Variants in AMPH observed in about 807,000 individuals in gnomAD.
AMPH encodes amphiphysin (Stiff-Mann syndrome with breast cancer 128kD autoantigen).
In AMPH, 49 loss-of-function variants were observed where a neutral mutation model predicts 99.1. That is an observed-to-expected ratio of 0.49 (90% CI 0.39 to 0.63). AMPH has a LOEUF of 0.63. Ranked by LOEUF, AMPH falls within the 20% of genes least tolerant of loss-of-function variation. The pLI is 0.00. For missense variants in AMPH, 759 were observed against 863.4 expected, an observed-to-expected ratio of 0.88 and a Z score of 1.52; for synonymous variants, 314 against 317.3, an observed-to-expected ratio of 0.99 and a Z score of 0.11.
In AMPH at chr7:38,476,950, C is replaced by G; in HGVS notation, c.416G>C (p.Ser139Thr). 6.2e-7 allele frequency: 1 copy of G among 1,613,736 alleles called. No individual in the cohort carries two copies. Among genetic ancestry groups the G allele is most frequent in the Non-Finnish European group, 8.5e-7 (1 of 1,179,796 alleles). ...ACTGTCATAGTCCACTAGCTTCCTG[C>G]TGCGCTTGGCGATGCGATTCTGTCA... The part of the protein sequence containing the change: ...PDIKNRIAKR[S>T]RKLVDYDSAR... Residue 139 changes from serine to threonine, a missense_variant, in exon 6 of 21, where the codon AGC becomes ACC. Ser to Thr is a moderately conservative substitution (Grantham distance 58). Around this residue, in one of 2 missense-constraint regions of AMPH, gnomAD observed 205 missense variants for 287.9 expected, o/e 0.71. Transcript: ENST00000356264.
At chr7:38,578,399 T>C (rs986074396) in intron 1 of AMPH, among the ~76,000 whole-genome samples, 1 of 152,228 alleles carries the variant, frequency 6.6e-6, no homozygotes, top group Non-Finnish European at 1.5e-5. Context: ...CTTTGGCTTA[T>C]GCAAGTGATA....
intron 5 of AMPH, 123 bp downstream of exon 5, chr7:38,490,927 T>A: frequency 3.2e-6 from 2 of 628,474 alleles, no homozygotes; most frequent in Non-Finnish European, 5.6e-6. Flanking sequence ...CTTAAATAAA[T>A]GAAAAGTTAC....
In AMPH at chr7:38,610,331, G is replaced by A. The variant is rs1211065626; in HGVS notation, c.69+20952C>T. Among the ~76,000 whole-genome samples, 326 of 36,510 alleles carry A rather than the reference G, an allele frequency of 8.9e-3. 1 individual carries two copies. The highest frequency in any genetic ancestry group is 0.013 in the Admixed American group (38 of 2,916). 24.0% of individuals were successfully genotyped at this position (36,510 alleles called of 152,430 possible). ...GAAAAGAAAAGAAAAGAAAAGAAAA[G>A]AAAAAAGAAAAGAAAAGAAAAGAAA... On this transcript the variant is annotated intron_variant, in intron 1 of 20. Transcript: ENST00000356264.
intron 1 of AMPH, among the ~76,000 whole-genome samples, chr7:38,574,669 A>G (rs946610164): frequency 6.6e-6 from 1 of 152,220 alleles, no homozygotes; most frequent in Non-Finnish European, 1.5e-5. Flanking sequence ...CATTATGTTC[A>G]TGTGGTAGGA....
At chr7:38,458,204 TC>T (rs1787305733) in intron 11 of AMPH, among the ~76,000 whole-genome samples, 1 of 151,896 alleles carries the variant, frequency 6.6e-6, no homozygotes, top group Admixed American at 6.6e-5. Context: ...TCCACATGTA[TC>T]CCCTGAATCT....
chr7:38,580,369 T>C (rs1192781736), intron 1 of AMPH, among the ~76,000 whole-genome samples: 1 of 152,076 alleles, frequency 6.6e-6, no homozygotes, highest in East Asian at 1.9e-4. Flanking sequence ...AATCGCAAAA[T>C]AAAGGCCCTG....
intron 1 of AMPH, among the ~76,000 whole-genome samples, chr7:38,572,619 A>C (rs1410136702): frequency 6.6e-6 from 1 of 152,192 alleles, no homozygotes; most frequent in Admixed American, 6.5e-5. Flanking sequence ...TAATGAGCCC[A>C]AGGGCCAAGA....
chr7:38,391,647 A>G (rs1784497154), intron 19 of AMPH, 101 bp downstream of exon 19: 3 of 1,244,226 alleles, frequency 2.4e-6, no homozygotes, highest in African/African-American at 3.0e-5. Context: ...CACAGAAATA[A>G]TAATTGCAAA....
In AMPH at chr7:38,494,654, G is replaced by C. The variant is rs1169712992; in HGVS notation, c.206-127C>G. 5.4e-6 allele frequency: 4 copies of C among 746,142 alleles called. No individual in the cohort carries two copies. In the South Asian group the frequency reaches 6.3e-5, roughly 12 times the overall value. 46.2% of individuals were successfully genotyped at this position (746,142 alleles called of 1,614,324 possible). A position where few individuals can be genotyped will look rare whatever the true frequency, so the allele number is the denominator to read the frequency against. ...AAACATTTAAGGAAAAACTATAAAG[G>C]CACAACTGCTGCTTGTATCTGCTGT... On this transcript the variant is annotated intron_variant, in intron 3 of 20. Transcript: ENST00000356264.
At chr7:38,628,866 C>T (rs1188956206) in intron 1 of AMPH, among the ~76,000 whole-genome samples, 2 of 151,924 alleles carry the variant, frequency 1.3e-5, no homozygotes, top group Non-Finnish European at 1.5e-5. Context: ...AAGAAAAAAA[C>T]GTATTTAAAA....
At chr7:38,467,076 T>C (rs571596857) in intron 7 of AMPH, among the ~76,000 whole-genome samples, 1 of 152,336 alleles carries the variant, frequency 6.6e-6, no homozygotes, top group East Asian at 1.9e-4. Flanking sequence ...CACATGCATA[T>C]AGACATCTAT....
At chr7:38,617,584 A>C (rs368545077) in intron 1 of AMPH, among the ~76,000 whole-genome samples, 29 of 152,326 alleles carry the variant, frequency 1.9e-4, no homozygotes, top group African/African-American at 7.0e-4. Flanking sequence ...CAAACCAAGA[A>C]TAAACCATGC....
intron 13 of AMPH, among the ~76,000 whole-genome samples, chr7:38,430,718 C>T (rs1458239921): frequency 6.6e-6 from 1 of 152,122 alleles, no homozygotes; most frequent in Non-Finnish European, 1.5e-5. Flanking sequence ...CCATGCATGC[C>T]TTTTTGTGAA....
chr7:38,444,417 T>A (rs1290905342), intron 11 of AMPH, among the ~76,000 whole-genome samples: 1 of 152,112 alleles, frequency 6.6e-6, no homozygotes, highest in Non-Finnish European at 1.5e-5. Context: ...ATCCAATGAC[T>A]GGTGGCCCTG....
intron 11 of AMPH, among the ~76,000 whole-genome samples, chr7:38,440,444 G>A (rs907497559): frequency 3.3e-5 from 5 of 151,752 alleles, no homozygotes; most frequent in African/African-American, 7.3e-5. Flanking sequence ...AGGGAAAAAT[G>A]ATAACAGAAC....
chr7:38,427,647 TGC>T (rs1491429756), intron 14 of AMPH, among the ~76,000 whole-genome samples: 116 of 51,510 alleles, frequency 2.3e-3, no homozygotes, highest in East Asian at 0.018. Flanking sequence ...TTGATGCTGC[TGC>T]TTTTTTTTTT....
chr7:38,616,780 G>T (rs1251460616), intron 1 of AMPH, among the ~76,000 whole-genome samples: 2 of 152,126 alleles, frequency 1.3e-5, no homozygotes, highest in East Asian at 1.9e-4. Flanking sequence ...CAAGGTTCAA[G>T]AACAACTGAA....
chr7:38,566,132 G>A (rs1248221243), intron 1 of AMPH, among the ~76,000 whole-genome samples: 2 of 151,768 alleles, frequency 1.3e-5, no homozygotes, highest in Non-Finnish European at 2.9e-5. Flanking sequence ...GTTTGCTTTT[G>A]TAGTATTTTC....
At chr7:38,570,325 T>C (rs988664786) in intron 1 of AMPH, among the ~76,000 whole-genome samples, 4 of 152,320 alleles carry the variant, frequency 2.6e-5, no homozygotes, top group Non-Finnish European at 2.9e-5. Flanking sequence ...AGAAACCTCC[T>C]GGATTAGTGA....
Sources: gnomAD v4.1 joint callset for allele counts (sites outside exome capture counted in the v4.1 genomes callset) on GRCh38, gnomAD v4.1.1 for gene constraint, gnomAD v4.1.1 regional missense constraint, MANE v1.5 for transcripts, NCBI Gene and HGNC (gene_info 2026-07-23, HGNC 2026-07-21) for gene names.